The following POU6F2 variants were observed in gnomAD, a reference collection of about 807,000 sequenced individuals.
POU6F2 encodes the protein POU class 6 homeobox 2, also known as POU domain, class 6, transcription factor 2.
A neutral mutation model predicts 71.3 loss-of-function variants in POU6F2; 31 were observed. The ratio of observed to expected loss-of-function variants is 0.43; its 90% CI spans 0.33 to 0.59. The LOEUF is 0.59. Among genes scored for constraint, POU6F2 ranks in the 20% least tolerant of loss-of-function variants. POU6F2 has a pLI of 0.04. For synonymous variants in POU6F2, 347 were observed against 355.7 expected (o/e 0.98, Z 0.27); for missense variants, 783 against 856.8 (o/e 0.91, Z 1.07).
chr7:39,431,402 G>C (rs1788097008), intron 6 of POU6F2, among the ~76,000 whole-genome samples: 1 of 152,248 alleles, frequency 6.6e-6, no homozygotes, highest in African/African-American at 2.4e-5. Context: ...TGCATCTGGA[G>C]TCCCAGTGAC....
intron 7 of POU6F2, among the ~76,000 whole-genome samples, chr7:39,448,791 T>C (rs981425357): frequency 2.0e-5 from 3 of 152,304 alleles, no homozygotes; most frequent in Non-Finnish European, 4.4e-5. Flanking sequence ...CCGAAGACAA[T>C]CTAATGATTC....
chr7:39,315,543 C>T (rs1262691653), intron 4 of POU6F2, among the ~76,000 whole-genome samples: 1 of 152,166 alleles, frequency 6.6e-6, no homozygotes, highest in Non-Finnish European at 1.5e-5. Context: ...GGTCAGTTCC[C>T]ACTCTCCTCC....
intron 4 of POU6F2, among the ~76,000 whole-genome samples, chr7:39,210,914 G>C (rs1212586084): frequency 6.6e-6 from 1 of 152,160 alleles, no homozygotes; most frequent in African/African-American, 2.4e-5. Flanking sequence ...TAGGTAGGGT[G>C]GTTTATAAAC....
chr7:39,032,872 TCG>T (rs1161744550), intron 1 of POU6F2, among the ~76,000 whole-genome samples: 6 of 152,202 alleles, frequency 3.9e-5, no homozygotes, highest in African/African-American at 1.4e-4. Context: ...GCTTGTTTTC[TCG>T]TGACACACAT....
chr7:39,427,962 A>G (rs1007058898), intron 6 of POU6F2, among the ~76,000 whole-genome samples: 4 of 152,334 alleles, frequency 2.6e-5, no homozygotes, highest in Non-Finnish European at 4.4e-5. Context: ...TTTACCCACC[A>G]TCAGTCATGA....
chr7:38,981,470 T>C (rs1397112565), intron 1 of POU6F2, among the ~76,000 whole-genome samples: 1 of 152,240 alleles, frequency 6.6e-6, no homozygotes, highest in Non-Finnish European at 1.5e-5. Context: ...TTCACGTCTA[T>C]AGACTGACTT....
At chr7:39,115,337 C>CTTAT (rs777066210) in intron 2 of POU6F2, among the ~76,000 whole-genome samples, 72 of 151,964 alleles carry the variant, frequency 4.7e-4, no homozygotes, top group Non-Finnish European at 9.6e-4. Flanking sequence ...ACCTTCAAAA[C>CTTAT]TTATTTATTT....
chr7:39,230,263 C>T (rs185919871), intron 4 of POU6F2, among the ~76,000 whole-genome samples: 100 of 152,100 alleles, frequency 6.6e-4, no homozygotes, highest in Non-Finnish European at 8.5e-4. Context: ...GAGGATTCCT[C>T]GAGGCCAGAG....
chr7:39,164,112 A>T (rs964626445), intron 2 of POU6F2, among the ~76,000 whole-genome samples: 1 of 152,112 alleles, frequency 6.6e-6, no homozygotes, highest in Non-Finnish European at 1.5e-5. Flanking sequence ...ACCACAAAAA[A>T]GTTAACTATA....
At chr7:39,068,426 C>A (rs780613414) in intron 1 of POU6F2, among the ~76,000 whole-genome samples, 1 of 150,944 alleles carries the variant, frequency 6.6e-6, no homozygotes, top group African/African-American at 2.5e-5. Context: ...CTAACTTGTA[C>A]ATGCAGTCTG....
At chr7:39,205,680 T>A (rs1793996644) in intron 3 of POU6F2, among the ~76,000 whole-genome samples, 1 of 152,182 alleles carries the variant, frequency 6.6e-6, no homozygotes, top group South Asian at 2.1e-4. Flanking sequence ...TGTATTTTTT[T>A]AAAAAGGGAA....
intron 1 of POU6F2, among the ~76,000 whole-genome samples, chr7:39,022,303 C>T: frequency 6.6e-6 from 1 of 152,104 alleles, no homozygotes; most frequent in East Asian, 1.9e-4. Context: ...TAAAATGAAA[C>T]ATATATATAT....
intron 5 of POU6F2, among the ~76,000 whole-genome samples, chr7:39,386,311 T>C (rs1033857072): frequency 2.0e-5 from 3 of 152,084 alleles, no homozygotes; most frequent in Non-Finnish European, 2.9e-5. Context: ...TCCTACACAC[T>C]AAACTCACAG....
chr7:39,425,526 C>T (rs772818659), intron 6 of POU6F2, among the ~76,000 whole-genome samples: 1 of 152,128 alleles, frequency 6.6e-6, no homozygotes, highest in Non-Finnish European at 1.5e-5. Flanking sequence ...TCAAAATCTT[C>T]AGAGGAACTT....
chr7:39,178,482 A>G (rs750940706), intron 2 of POU6F2, among the ~76,000 whole-genome samples: 7 of 152,210 alleles, frequency 4.6e-5, no homozygotes, highest in Non-Finnish European at 8.8e-5. Flanking sequence ...TATTAAGAGT[A>G]ATAACATTAA....
At chr7:39,103,870 C>A (rs1791623731) in intron 2 of POU6F2, among the ~76,000 whole-genome samples, 1 of 152,086 alleles carries the variant, frequency 6.6e-6, no homozygotes, top group African/African-American at 2.4e-5. Context: ...AGAAGGCATC[C>A]CAGGTAGGGC....
chr7:39,410,090 A>G (rs1297431462), intron 6 of POU6F2, among the ~76,000 whole-genome samples: 2 of 152,202 alleles, frequency 1.3e-5, no homozygotes, highest in East Asian at 1.9e-4. Context: ...GCTCATGCCT[A>G]TAATCCCAGC....
At chr7:39,156,583 G>A (rs1792874673) in intron 2 of POU6F2, among the ~76,000 whole-genome samples, 1 of 152,062 alleles carries the variant, frequency 6.6e-6, no homozygotes, top group Non-Finnish European at 1.5e-5. Flanking sequence ...TCTCAGAGTG[G>A]GATTTGCAAA....
chr7:39,042,114 A>G (rs1317323276), intron 1 of POU6F2, among the ~76,000 whole-genome samples: 1 of 151,954 alleles, frequency 6.6e-6, no homozygotes, highest in Non-Finnish European at 1.5e-5. Context: ...CTACATTTTT[A>G]TAGAGGTTCC....
Sources: allele counts gnomAD v4.1 joint callset (sites outside exome capture counted in the v4.1 genomes callset), GRCh38; gene constraint gnomAD v4.1.1; transcripts MANE v1.5; gene names NCBI Gene and HGNC (gene_info 2026-07-23, HGNC 2026-07-21).